POU6F2: variants seen among roughly 807,000 people sequenced by gnomAD.
POU6F2 encodes POU domain, class 6, transcription factor 2.
A neutral mutation model predicts 71.3 loss-of-function variants in POU6F2; 31 were observed. The observed-to-expected ratio is 0.43, with a 90% CI of 0.33 to 0.59. POU6F2 has a LOEUF of 0.59. Ranked by LOEUF, POU6F2 falls within the 20% of genes least tolerant of loss-of-function variation. The pLI is 0.04. For missense variants in POU6F2, 783 were observed against 856.8 expected, an observed-to-expected ratio of 0.91 and a Z score of 1.07; for synonymous variants, 347 against 355.7, an observed-to-expected ratio of 0.98 and a Z score of 0.27.
At chr7:39,051,664 CT>C (rs1043132906) in intron 1 of POU6F2, among the ~76,000 whole-genome samples, 9 of 151,984 alleles carry the variant, frequency 5.9e-5, no homozygotes, top group African/African-American at 1.9e-4. Flanking sequence ...TCAGGTGTAG[CT>C]ATTCCTTTTA....
intron 2 of POU6F2, among the ~76,000 whole-genome samples, chr7:39,188,342 T>C (rs1793589343): frequency 6.6e-6 from 1 of 152,180 alleles, no homozygotes; most frequent in Non-Finnish European, 1.5e-5. Context: ...AGACAGAGTC[T>C]CGCTCTGTTG....
intron 4 of POU6F2, among the ~76,000 whole-genome samples, chr7:39,322,002 G>C (rs1054480561): frequency 1.3e-5 from 2 of 152,132 alleles, no homozygotes; most frequent in Non-Finnish European, 2.9e-5. Flanking sequence ...TTATAGTTTT[G>C]AGTTGCTATC....
Position 39,464,302 on chromosome 7 carries a change from G to A in POU6F2, c.1779G>A (p.Leu593=). ...GLLYPARFEK[L]DITPKSAQKI... ...TGTATCCTGCCAGGTTTGAAAAGCT[G>A]GACATCACCCCTAAAAGTGCCCAGA... Residue 593 remains leucine, a synonymous_variant, in exon 10 of 10, where the codon CTG becomes CTA. Coordinates refer to ENST00000518318, the MANE Select transcript of POU6F2 (RefSeq NM_001370959.1). The surrounding 1 kb of genome is among the most constrained non-coding windows in gnomAD (Gnocchi z 4.1). The A allele has an allele frequency of 6.2e-7, 1 of 1,613,990 alleles. No homozygotes were observed.
chr7:39,190,059 A>C (rs1793629100), intron 2 of POU6F2, among the ~76,000 whole-genome samples: 1 of 151,742 alleles, frequency 6.6e-6, no homozygotes, highest in Non-Finnish European at 1.5e-5. Flanking sequence ...ATGCCTGACT[A>C]ATTTTTTTGT....
chr7:38,981,705 G>A (rs1202005799), intron 1 of POU6F2, among the ~76,000 whole-genome samples: 1 of 152,138 alleles, frequency 6.6e-6, no homozygotes, highest in Non-Finnish European at 1.5e-5. Flanking sequence ...CATTAGAAGT[G>A]CAGTAAAAAG....
intron 5 of POU6F2, among the ~76,000 whole-genome samples, chr7:39,385,633 C>G (rs769306387): frequency 5.3e-5 from 8 of 152,184 alleles, no homozygotes; most frequent in Non-Finnish European, 1.2e-4. Context: ...CCCATTGAGA[C>G]TGGAGGAACT....
chr7:39,045,545 GTT>G (rs201370310), intron 1 of POU6F2, among the ~76,000 whole-genome samples: 4 of 143,222 alleles, frequency 2.8e-5, no homozygotes, highest in African/African-American at 7.7e-5. Flanking sequence ...TCTTTAGCTT[GTT>G]TTTTTTTTTA....
At chr7:39,107,884 GT>G (rs1791725344) in intron 2 of POU6F2, among the ~76,000 whole-genome samples, 1 of 152,116 alleles carries the variant, frequency 6.6e-6, no homozygotes, top group South Asian at 2.1e-4. Flanking sequence ...AGGAATAAAT[GT>G]TCCAATTTTA....
rs1054401935 is a variant in POU6F2, at chr7:39,281,271, G to A, written c.599-58371G>A. Among the ~76,000 whole-genome samples, 8 of 152,154 alleles carry A rather than the reference G, an allele frequency of 5.3e-5. No homozygotes were observed. The South Asian group carries it at 6.2e-4, about 12-fold the overall frequency. ...AATCAGGGTATTTAGCATACCTGTC[G>A]CCTCATACATTTATCATTTCTTTGT... On this transcript the variant is annotated intron_variant, in intron 4 of 9. Transcript: ENST00000518318.
At chr7:39,130,053 C>G (rs934706911) in intron 2 of POU6F2, among the ~76,000 whole-genome samples, 1 of 122,564 alleles carries the variant, frequency 8.2e-6, no homozygotes, top group African/African-American at 3.3e-5. Context: ...GGCGACAGAG[C>G]GAGACTCCAT....
intron 4 of POU6F2, among the ~76,000 whole-genome samples, chr7:39,234,845 G>T (rs1199217331): frequency 6.6e-6 from 1 of 152,110 alleles, no homozygotes; most frequent in East Asian, 1.9e-4. Flanking sequence ...TGTTATTCTA[G>T]AAGTAAAACT....
chr7:39,382,042 C>T (rs1562809593), intron 5 of POU6F2, among the ~76,000 whole-genome samples: 1 of 140,568 alleles, frequency 7.1e-6, no homozygotes, highest in Non-Finnish European at 1.6e-5. Context: ...AACACACAAG[C>T]AAATAATAAT....
intron 7 of POU6F2, among the ~76,000 whole-genome samples, chr7:39,434,866 G>C (rs1340103133): frequency 1.3e-5 from 2 of 152,076 alleles, no homozygotes; most frequent in African/African-American, 4.8e-5. Context: ...TCCCCGTTAT[G>C]AGTGAGAACA....
At chr7:39,440,050 A>T (rs12536665) in intron 7 of POU6F2, among the ~76,000 whole-genome samples, 51,224 of 152,078 alleles carry the variant, frequency 0.34, 9,647 homozygotes, top group East Asian at 0.58. Flanking sequence ...CTGAGAGGTC[A>T]GCTGTTAGTG....
intron 2 of POU6F2, among the ~76,000 whole-genome samples, chr7:39,105,608 G>A (rs1300164692): frequency 1.3e-5 from 2 of 151,994 alleles, no homozygotes; most frequent in Non-Finnish European, 2.9e-5. Context: ...ATAATTTCTG[G>A]CTCTGTTGAT....
At chr7:39,230,520 G>A (rs1584614642) in intron 4 of POU6F2, among the ~76,000 whole-genome samples, 3 of 152,020 alleles carry the variant, frequency 2.0e-5, no homozygotes, top group Admixed American at 1.3e-4. Context: ...AGATAGCATG[G>A]TTTGATTACA....
chr7:39,455,402 A>G (rs902682301), intron 8 of POU6F2, among the ~76,000 whole-genome samples: 14 of 152,196 alleles, frequency 9.2e-5, no homozygotes, highest in African/African-American at 2.9e-4. Flanking sequence ...CTACATCCCA[A>G]AGAGGTCACC....
chr7:39,344,132 C>T (rs1428515293), intron 5 of POU6F2, among the ~76,000 whole-genome samples: 3 of 152,194 alleles, frequency 2.0e-5, no homozygotes, highest in African/African-American at 4.8e-5. Flanking sequence ...TGGCCTCCCA[C>T]GTACCATCTT....
chr7:39,440,773 G>T, intron 7 of POU6F2, among the ~76,000 whole-genome samples: 1 of 152,072 alleles, frequency 6.6e-6, no homozygotes, highest in East Asian at 1.9e-4. Flanking sequence ...CTGATCTTTT[G>T]GGTTTTCAGC....
Sources: gnomAD v4.1 joint callset for allele counts (sites outside exome capture counted in the v4.1 genomes callset) on GRCh38, gnomAD v4.1.1 for gene constraint, Gnocchi (gnomAD v3.1) non-coding constraint, MANE v1.5 for transcripts, NCBI Gene and HGNC (gene_info 2026-07-23, HGNC 2026-07-21) for gene names.